LAMA2: variants seen among roughly 807,000 people sequenced by gnomAD.
The protein encoded by LAMA2 is laminin subunit alpha-2.
A neutral mutation model predicts 364.8 loss-of-function variants in LAMA2; 269 were observed. The ratio of observed to expected loss-of-function variants is 0.74; its 90% CI spans 0.67 to 0.82. The LOEUF (loss-of-function observed/expected upper bound fraction) is 0.82. Among genes scored for constraint, LAMA2 ranks in the 40% least tolerant of loss-of-function variants. The pLI is 0.00. For missense variants in LAMA2, 3,807 were observed against 3,873.2 expected, an observed-to-expected ratio of 0.98 and a Z score of 0.45; for synonymous variants, 1,379 against 1,370.6, an observed-to-expected ratio of 1.01 and a Z score of -0.14.
chr6:129,064,374 A>C (rs1210631482), intron 3 of LAMA2, among the ~76,000 whole-genome samples: 2 of 151,514 alleles, frequency 1.3e-5, no homozygotes, highest in African/African-American at 4.8e-5. Flanking sequence ...AAAAAAAAAA[A>C]AAAATGAAGA....
At chr6:129,126,571 G>T (rs971282255) in intron 4 of LAMA2, among the ~76,000 whole-genome samples, 6 of 151,896 alleles carry the variant, frequency 4.0e-5, no homozygotes, top group Non-Finnish European at 8.8e-5. Context: ...AAATAAAATT[G>T]TACTTTAAAA....
intron 1 of LAMA2, among the ~76,000 whole-genome samples, chr6:128,913,466 C>T (rs551387315): frequency 3.3e-4 from 50 of 152,244 alleles, no homozygotes; most frequent in Non-Finnish European, 6.5e-4. Context: ...TCTGTATGAA[C>T]GTAAGCTATA....
intron 3 of LAMA2, among the ~76,000 whole-genome samples, chr6:129,063,858 T>A (rs1372024030): frequency 6.6e-6 from 1 of 152,200 alleles, no homozygotes; most frequent in Non-Finnish European, 1.5e-5. Flanking sequence ...ATTACTATAC[T>A]TTTAGAATCC....
chr6:129,162,899 G>C (rs532311025), intron 8 of LAMA2, among the ~76,000 whole-genome samples: 2 of 151,658 alleles, frequency 1.3e-5, no homozygotes, highest in Non-Finnish European at 2.9e-5. Context: ...AGGAGGGGGG[G>C]GAAGAAGAGG....
At chr6:129,252,561 G>A (rs1404014967) in intron 14 of LAMA2, among the ~76,000 whole-genome samples, 2 of 152,006 alleles carry the variant, frequency 1.3e-5, no homozygotes, top group Admixed American at 6.6e-5. Context: ...TTCCTATATT[G>A]AGAAATGTTA....
At chr6:129,421,700 C>T (rs1781083348) in intron 40 of LAMA2, among the ~76,000 whole-genome samples, 1 of 152,130 alleles carries the variant, frequency 6.6e-6, no homozygotes, top group African/African-American at 2.4e-5. Context: ...GTCCTTTAAA[C>T]CCAGATTGCT....
At chr6:129,351,712 C>A (rs1776862865) in intron 31 of LAMA2, among the ~76,000 whole-genome samples, 1 of 152,092 alleles carries the variant, frequency 6.6e-6, no homozygotes, top group Admixed American at 6.5e-5. Context: ...ACTTTATTTT[C>A]AATACTCTTG....
chr6:129,182,141 T>A (rs948549726), intron 10 of LAMA2, among the ~76,000 whole-genome samples: 1 of 151,834 alleles, frequency 6.6e-6, no homozygotes, highest in Admixed American at 6.6e-5. Flanking sequence ...CAAGAAAAAC[T>A]TCATGATACC....
chr6:129,460,385 A>G lies in LAMA2; in HGVS notation c.6992+61A>G, dbSNP rs755749239. The G allele has an allele frequency of 6.7e-6, 10 of 1,491,002 alleles. No homozygotes were observed. In the Admixed American group the frequency reaches 6.7e-5, roughly 10 times the overall value. 92.4% of individuals were successfully genotyped at this position (1,491,002 alleles called of 1,614,324 possible). A position where few individuals can be genotyped will look rare whatever the true frequency, so the allele number is the denominator to read the frequency against. ...TGTGCATAATAAAAGCTTCGATTTTATTGCATAATATTCTATTATCATGTG... is the reference window on the plus strand; with the variant it reads ...TGTGCATAATAAAAGCTTCGATTTTGTTGCATAATATTCTATTATCATGTG... On this transcript the variant is annotated intron_variant, in intron 49 of 64. Transcript: ENST00000421865.
chr6:129,361,621 C>T (rs749968539), intron 32 of LAMA2, among the ~76,000 whole-genome samples: 27 of 152,122 alleles, frequency 1.8e-4, no homozygotes, highest in Non-Finnish European at 2.8e-4. Flanking sequence ...CTGAAGGCAG[C>T]AGGGGTCCAA....
intron 28 of LAMA2, among the ~76,000 whole-genome samples, chr6:129,325,198 A>C (rs749533438): frequency 2.6e-5 from 4 of 152,226 alleles, no homozygotes; most frequent in Admixed American, 6.5e-5. Flanking sequence ...TATGAAAATA[A>C]ATTAAAGATA....
chr6:129,012,611 A>G (rs1582870268), intron 1 of LAMA2, among the ~76,000 whole-genome samples: 1 of 152,200 alleles, frequency 6.6e-6, no homozygotes, highest in East Asian at 1.9e-4. Context: ...TGGATTATGC[A>G]AATAAAGTTT....
chr6:129,420,680 T>G (rs1371617226), intron 40 of LAMA2, among the ~76,000 whole-genome samples: 1 of 152,128 alleles, frequency 6.6e-6, no homozygotes, highest in Non-Finnish European at 1.5e-5. Flanking sequence ...AAATTTCATC[T>G]CTAATAAAAA....
chr6:129,335,296 G>A (rs1165236127), intron 29 of LAMA2, among the ~76,000 whole-genome samples: 1 of 151,932 alleles, frequency 6.6e-6, no homozygotes, highest in African/African-American at 2.4e-5. Context: ...TGAGTCCAAG[G>A]GGATAGCGGG....
chr6:129,139,192 C>T (rs1478797), intron 4 of LAMA2, among the ~76,000 whole-genome samples: 5,516 of 152,102 alleles, frequency 0.036, 329 homozygotes, highest in African/African-American at 0.13. Flanking sequence ...AGACTCAGAG[C>T]CTTTACTCTG....
At chr6:128,902,165 A>G (rs1582633173) in intron 1 of LAMA2, among the ~76,000 whole-genome samples, 1 of 152,214 alleles carries the variant, frequency 6.6e-6, no homozygotes, top group Non-Finnish European at 1.5e-5. Flanking sequence ...TCATGATCTA[A>G]TCACCTTCCA....
intron 51 of LAMA2, among the ~76,000 whole-genome samples, chr6:129,468,089 A>G (rs1016174843): frequency 2.0e-5 from 3 of 151,804 alleles, no homozygotes; most frequent in African/African-American, 7.2e-5. Context: ...CTAGACTCAC[A>G]TTGCTTTTTG....
intron 10 of LAMA2, among the ~76,000 whole-genome samples, chr6:129,181,059 G>A (rs1047310324): frequency 2.0e-5 from 3 of 152,028 alleles, no homozygotes; most frequent in Non-Finnish European, 2.9e-5. Context: ...TTCTCTTAGG[G>A]GCTCTGGGTG....
chr6:129,394,177 C>T (rs1779480644), intron 37 of LAMA2, among the ~76,000 whole-genome samples: 1 of 152,202 alleles, frequency 6.6e-6, no homozygotes, highest in Admixed American at 6.5e-5. Context: ...ACAACTTTCT[C>T]CCCAGAGACA....
Sources: allele counts gnomAD v4.1 joint callset (sites outside exome capture counted in the v4.1 genomes callset), GRCh38; gene constraint gnomAD v4.1.1; transcripts MANE v1.5; gene names NCBI Gene and HGNC (gene_info 2026-07-23, HGNC 2026-07-21).